Variants in EIF4EBP2 observed in about 807,000 individuals in gnomAD.
EIF4EBP2 encodes the protein eukaryotic translation initiation factor 4E-binding protein 2.
EIF4EBP2 carries 5 observed loss-of-function variants against 10.3 expected under a neutral mutation model. That is an observed-to-expected ratio of 0.48 (90% CI 0.25 to 1.02). EIF4EBP2 has a LOEUF of 1.02. Among genes scored for constraint, EIF4EBP2 ranks in the 50% least tolerant of loss-of-function variants. EIF4EBP2 has a pLI of 0.15. For synonymous variants in EIF4EBP2, 67 were observed against 61.1 expected, an observed-to-expected ratio of 1.10 and a Z score of -0.45; for missense variants, 188 against 162.2, an observed-to-expected ratio of 1.16 and a Z score of -0.86.
chr10:70,427,761 C>T lies in EIF4EBP2; in HGVS notation c.*6014C>T, dbSNP rs976447343. ...ACATTTCCAAGGGTATTTAAACTCT[C>T]ACTCTGCCACCTTTCTAAGGGTGGG... On this transcript the variant is annotated 3_prime_UTR_variant, in exon 3 of 3. Transcript: ENST00000373218. 1.3e-5 allele frequency: 2 copies of T among 152,128 alleles called. No homozygotes were observed. Among genetic ancestry groups the T allele is most frequent in the African/African-American group, 4.8e-5 (2 of 41,418 alleles). 9.4% of individuals were successfully genotyped at this position (152,128 alleles called of 1,614,324 possible).
intron 1 of EIF4EBP2, among the ~76,000 whole-genome samples, chr10:70,413,609 CAAAAA>C (rs57681671): frequency 2.1e-5 from 2 of 97,366 alleles, no homozygotes; most frequent in Non-Finnish European, 4.0e-5. Context: ...CCCTGACTCT[CAAAAA>C]AAAAAAAAAA....
rs775186107 is a variant in EIF4EBP2 at position 70,404,389 on chromosome 10, C to G, written c.-13C>G. ...TGCCCGCCGGACAAAGCCGAGAGCC[C>G]GCGCCCACAGCCATGTCCTCGTCAG... On this transcript the variant is annotated 5_prime_UTR_variant, in exon 1 of 3. Transcript: ENST00000373218. The G allele has an allele frequency of 6.4e-6, 10 of 1,557,602 alleles. No homozygotes were observed. Among genetic ancestry groups the G allele is most frequent in the Non-Finnish European group, 8.7e-6 (10 of 1,155,556 alleles).
At chr10:70,407,733 C>CA (rs1844990383) in intron 1 of EIF4EBP2, among the ~76,000 whole-genome samples, 2 of 130,604 alleles carry the variant, frequency 1.5e-5, no homozygotes, top group African/African-American at 3.0e-5. Flanking sequence ...GGGGCTGACC[C>CA]CCCCCCCACC....
At chr10:70,410,117 T>C (rs1208612122) in intron 1 of EIF4EBP2, among the ~76,000 whole-genome samples, 2 of 152,146 alleles carry the variant, frequency 1.3e-5, no homozygotes, top group Admixed American at 1.3e-4. Context: ...TTGCCCAGGC[T>C]GGAGTGCAAT....
chr10:70,415,873 GAAA>G (rs60699796), intron 1 of EIF4EBP2, among the ~76,000 whole-genome samples: 1 of 114,734 alleles, frequency 8.7e-6, no homozygotes, highest in Non-Finnish European at 1.9e-5. Context: ...ACAAACAAAA[GAAA>G]AAAAAAAAAA....
intron 2 of EIF4EBP2, among the ~76,000 whole-genome samples, chr10:70,421,157 C>G (rs1018370506): frequency 6.6e-6 from 1 of 152,068 alleles, no homozygotes; most frequent in Non-Finnish European, 1.5e-5. Flanking sequence ...GGTTTATTTC[C>G]TCTATTTTCC....
chr10:70,422,106 A>G lies in EIF4EBP2; in HGVS notation c.*359A>G, dbSNP rs1392771220. ...TAATTTTGTCCCAAATCAAATATCAACCTACCAACAACTGCCTGGCTGGGA... is the reference window on the plus strand; with the variant it reads ...TAATTTTGTCCCAAATCAAATATCAGCCTACCAACAACTGCCTGGCTGGGA... On this transcript the variant is annotated 3_prime_UTR_variant, in exon 3 of 3. Coordinates refer to ENST00000373218, the MANE Select transcript of EIF4EBP2 (RefSeq NM_004096.5). 3.0e-5 allele frequency: 7 copies of G among 231,398 alleles called. 1 individual carries two copies. In the South Asian group the frequency reaches 3.4e-4, roughly 11 times the overall value. The allele number at this position is 231,398 out of a possible 1,614,324, so 14.3% of individuals were successfully genotyped here.
rs1260469224 is a variant in EIF4EBP2, at chr10:70,404,340, A to AGCCCCG, written c.-55_-50dup. The AGCCCCG allele has an allele frequency of 6.8e-7, 1 of 1,471,988 alleles. No homozygotes were observed. The highest frequency in any genetic ancestry group is 2.6e-5 in the Admixed American group (1 of 38,738). The allele number at this position is 1,471,988 out of a possible 1,614,324, so 91.2% of individuals were successfully genotyped here. ...TTCCGTCCGCCTGAGGAGCCGAAGC[A>AGCCCCG]GCCCCGGCCCCGCCGCCGCCGCCTG... On this transcript the variant is annotated 5_prime_UTR_variant, in exon 1 of 3. Transcript: ENST00000373218.
chr10:70,421,701 A>C lies in EIF4EBP2; in HGVS notation c.332-15A>C. On this transcript the variant is annotated splice_polypyrimidine_tract_variant and intron_variant, in intron 2 of 2. Transcript: ENST00000373218. ...GTGTACGTGCTAAACTCTTCATTTT[A>C]TTGGTCCTAACTAGGGGATGATGCT... is the stretch of plus-strand genomic sequence containing the variant. The C allele has an allele frequency of 6.2e-7, 1 of 1,612,174 alleles. No individual in the cohort carries two copies. Among genetic ancestry groups the C allele is most frequent in the Non-Finnish European group, 8.5e-7 (1 of 1,178,372 alleles).
intron 1 of EIF4EBP2, among the ~76,000 whole-genome samples, chr10:70,412,946 A>G (rs963426299): frequency 7.2e-5 from 11 of 152,212 alleles, no homozygotes; most frequent in Admixed American, 3.9e-4. Context: ...AACTTCAACA[A>G]TGTAAAAGAG....
At chr10:70,406,569 T>G (rs1327550258) in intron 1 of EIF4EBP2, among the ~76,000 whole-genome samples, 5 of 152,210 alleles carry the variant, frequency 3.3e-5, no homozygotes, top group African/African-American at 1.2e-4. Flanking sequence ...CTAGACACGT[T>G]TTTGGCTTAT....
At chr10:70,409,728 T>C (rs910948308) in intron 1 of EIF4EBP2, among the ~76,000 whole-genome samples, 1 of 152,240 alleles carries the variant, frequency 6.6e-6, no homozygotes, top group Non-Finnish European at 1.5e-5. Context: ...AAGAGTTGTT[T>C]TGCTCTGCGG....
At chr10:70,404,640 C>G (rs1043661396) in intron 1 of EIF4EBP2, 94 bp downstream of exon 1, 23 of 1,376,542 alleles carry the variant, frequency 1.7e-5, no homozygotes, top group Non-Finnish European at 2.1e-5. Context: ...GCCCCCGCCC[C>G]CAGCTCCACC....
intron 1 of EIF4EBP2, among the ~76,000 whole-genome samples, chr10:70,417,230 A>C (rs1256610303): frequency 6.6e-6 from 1 of 152,248 alleles, no homozygotes; most frequent in Non-Finnish European, 1.5e-5. Context: ...ATGAAAGTGA[A>C]AGAAGCAGTC....
In EIF4EBP2 at chr10:70,425,887, AG is replaced by A. The variant is rs921186055; in HGVS notation, c.*4141del. The stretch of plus-strand genomic sequence containing the variant: ...GGTGAAATAGATGATGTTATCAGGA[AG>A]CCAGGTTCCCACCAGAGTCGGTGCT... On this transcript the variant is annotated 3_prime_UTR_variant, in exon 3 of 3. Coordinates refer to ENST00000373218, the MANE Select transcript of EIF4EBP2 (RefSeq NM_004096.5). 2.6e-5 allele frequency: 4 copies of A among 152,254 alleles called. No homozygotes were observed. Among genetic ancestry groups the A allele is most frequent in the Non-Finnish European group, 5.9e-5 (4 of 68,050 alleles). 9.4% of individuals were successfully genotyped at this position (152,254 alleles called of 1,614,324 possible). A position where few individuals can be genotyped will look rare whatever the true frequency, so the allele number is the denominator to read the frequency against.
At chr10:70,413,963 T>C (rs986434532) in intron 1 of EIF4EBP2, among the ~76,000 whole-genome samples, 18 of 152,194 alleles carry the variant, frequency 1.2e-4, no homozygotes, top group Non-Finnish European at 2.4e-4. Context: ...TATGGCTGCA[T>C]TGGTTGACAT....
At chr10:70,420,670 T>C (rs1173340089) in intron 2 of EIF4EBP2, among the ~76,000 whole-genome samples, 2 of 152,220 alleles carry the variant, frequency 1.3e-5, no homozygotes, top group Non-Finnish European at 2.9e-5. Context: ...AAATGACTCT[T>C]TGAACCATGC....
rs58812979 is a variant in EIF4EBP2, at chr10:70,419,893, C to T, written c.146-21C>T. The stretch of plus-strand genomic sequence containing the variant: ...ATAACCCCTTAAATTGTTTCAAACT[C>T]TTTTTAACCCTGTTTTCCAGGAACT... On this transcript the variant is annotated intron_variant, in intron 1 of 2. Transcript: ENST00000373218. 9 of 1,540,018 alleles carry T rather than the reference C, an allele frequency of 5.8e-6. No individual in the cohort carries two copies. In the East Asian group the frequency reaches 2.1e-4, roughly 36 times the overall value.
At chr10:70,416,377 G>A (rs34843983) in intron 1 of EIF4EBP2, among the ~76,000 whole-genome samples, 25,338 of 151,954 alleles carry the variant, frequency 0.17, 2,234 homozygotes, top group Middle Eastern at 0.19. Context: ...TCAAGAGATC[G>A]AGACCATCCT....
Sources: allele counts gnomAD v4.1 joint callset (sites outside exome capture counted in the v4.1 genomes callset), GRCh38; gene constraint gnomAD v4.1.1; transcripts MANE v1.5; gene names NCBI Gene and HGNC (gene_info 2026-07-23, HGNC 2026-07-21).